Variants in PKIG observed in about 807,000 individuals in gnomAD.
The protein encoded by PKIG is cAMP-dependent protein kinase inhibitor gamma, also known as protein kinase (cAMP-dependent, catalytic) inhibitor gamma.
Under a neutral mutation model 6.8 loss-of-function variants are expected in PKIG, and 1 was observed. That is an observed-to-expected ratio of 0.15 (90% CI 0.05 to 0.69). The LOEUF (loss-of-function observed/expected upper bound fraction) is 0.69, where lower values mean the gene tolerates loss of function less well. PKIG is among the 30% of genes least tolerant of loss of function. The pLI, the probability that PKIG is intolerant of heterozygous loss-of-function variation, is 0.82. For synonymous variants in PKIG, 39 were observed against 43.0 expected (o/e 0.91, Z 0.36); for missense variants, 77 against 104.0 (o/e 0.74, Z 1.13).
At chr20:44,597,157 A>G (rs1030418826) in intron 2 of PKIG, among the ~76,000 whole-genome samples, 14 of 152,150 alleles carry the variant, frequency 9.2e-5, no homozygotes, top group African/African-American at 2.2e-4. Context: ...TTAGCTAGAG[A>G]GCACACCCTC....
chr20:44,611,851 G>C (rs1023493646), intron 2 of PKIG, among the ~76,000 whole-genome samples: 1 of 151,772 alleles, frequency 6.6e-6, no homozygotes, highest in Non-Finnish European at 1.5e-5. Context: ...AAGATTCCAT[G>C]TATGCGTAAA....
In PKIG at chr20:44,532,902, A is replaced by T. The variant is rs1009951143; in HGVS notation, c.-241+924A>T. The stretch of plus-strand genomic sequence containing the variant: ...TCTGCAAGGATTTCAGGCTAGCTGG[A>T]GAGCAGATTATGAGAGTTGGAGGGG... On this transcript the variant is annotated intron_variant, in intron 1 of 4. Transcript: ENST00000372887. Among the ~76,000 whole-genome samples the T allele has an allele frequency of 2.0e-4, 31 of 152,130 alleles. 1 individual carries two copies. Among genetic ancestry groups the T allele is most frequent in the African/African-American group, 7.2e-4 (30 of 41,430 alleles).
chr20:44,589,504 C>A (rs1196838479), intron 1 of PKIG, among the ~76,000 whole-genome samples: 4 of 152,120 alleles, frequency 2.6e-5, no homozygotes, highest in Admixed American at 1.3e-4. Context: ...GATATTGATA[C>A]ACCATAATTT....
chr20:44,599,314 G>A (rs538600693), intron 2 of PKIG, among the ~76,000 whole-genome samples: 10 of 152,288 alleles, frequency 6.6e-5, no homozygotes, highest in African/African-American at 2.2e-4. Context: ...CCCTAACCTT[G>A]CTGAGTTTCA....
At chr20:44,591,212 C>T (rs184736444) in intron 2 of PKIG, among the ~76,000 whole-genome samples, 3 of 151,912 alleles carry the variant, frequency 2.0e-5, no homozygotes, top group Non-Finnish European at 2.9e-5. Context: ...AGCAGCACAG[C>T]GAAGGCCTGG....
At chr20:44,600,377 T>C (rs2065110631) in intron 2 of PKIG, among the ~76,000 whole-genome samples, 1 of 152,102 alleles carries the variant, frequency 6.6e-6, no homozygotes, top group Non-Finnish European at 1.5e-5. Context: ...CAATTTCCAT[T>C]TTGAGAACGT....
At chr20:44,595,265 T>A (rs1170275615) in intron 2 of PKIG, among the ~76,000 whole-genome samples, 1 of 152,218 alleles carries the variant, frequency 6.6e-6, no homozygotes, top group African/African-American at 2.4e-5. Flanking sequence ...GTAGCTTCCC[T>A]CAAACTCTCA....
chr20:44,594,576 A>T (rs990999148), intron 2 of PKIG, among the ~76,000 whole-genome samples: 2 of 152,180 alleles, frequency 1.3e-5, no homozygotes, highest in African/African-American at 4.8e-5. Context: ...ATGTTAAGTG[A>T]TTTGCTCAGC....
intron 1 of PKIG, among the ~76,000 whole-genome samples, chr20:44,565,081 C>T (rs186545350): frequency 3.8e-4 from 58 of 152,298 alleles, no homozygotes; most frequent in African/African-American, 1.4e-3. Flanking sequence ...GACCTGGGCG[C>T]TTATGAAAAT....
chr20:44,531,999 C>G (rs1600828255), intron 1 of PKIG: 1 of 152,176 alleles, frequency 6.6e-6, no homozygotes, highest in Non-Finnish European at 1.5e-5. Context: ...GCCGGGCGGC[C>G]GGTTGCGGCC....
intron 1 of PKIG, among the ~76,000 whole-genome samples, chr20:44,559,852 A>G (rs2064750806): frequency 6.6e-6 from 1 of 152,190 alleles, no homozygotes; most frequent in African/African-American, 2.4e-5. Context: ...TTTTGTAAGT[A>G]TATCTGTGAG....
At chr20:44,554,300 C>A (rs982971405) in intron 1 of PKIG, among the ~76,000 whole-genome samples, 1 of 151,922 alleles carries the variant, frequency 6.6e-6, no homozygotes, top group African/African-American at 2.4e-5. Flanking sequence ...TCAGGCTGGT[C>A]TCGAACTCCG....
intron 2 of PKIG, among the ~76,000 whole-genome samples, chr20:44,603,814 G>T (rs902427452): frequency 6.7e-6 from 1 of 149,932 alleles, no homozygotes; most frequent in Non-Finnish European, 1.5e-5. Context: ...GGAAGTAAAG[G>T]TTTAGAACTC....
chr20:44,534,364 AAAAT>A (rs1272274471), intron 1 of PKIG, among the ~76,000 whole-genome samples: 9 of 152,238 alleles, frequency 5.9e-5, no homozygotes, highest in Non-Finnish European at 1.2e-4. Flanking sequence ...TAATGCAACA[AAAAT>A]AAATAAAGGT....
chr20:44,604,956 G>A (rs1254785045), intron 2 of PKIG, among the ~76,000 whole-genome samples: 1 of 151,932 alleles, frequency 6.6e-6, no homozygotes, highest in African/African-American at 2.4e-5. Context: ...TGGGGGACAA[G>A]TTAAATGACT....
At chr20:44,593,463 G>A (rs1300018628) in intron 2 of PKIG, among the ~76,000 whole-genome samples, 1 of 150,598 alleles carries the variant, frequency 6.6e-6, no homozygotes, top group Non-Finnish European at 1.5e-5. Context: ...CAAAAACATG[G>A]TTGAACCTGG....
intron 1 of PKIG, among the ~76,000 whole-genome samples, chr20:44,574,473 A>T (rs1248438685): frequency 6.6e-6 from 1 of 152,172 alleles, no homozygotes. Flanking sequence ...GTTTTGTTTC[A>T]TCTGTGCTGG....
chr20:44,599,519 C>G (rs1328866318), intron 2 of PKIG, among the ~76,000 whole-genome samples: 1 of 152,012 alleles, frequency 6.6e-6, no homozygotes, highest in Non-Finnish European at 1.5e-5. Context: ...GTCAAGAGAT[C>G]GAGACCATCC....
chr20:44,597,806 G>T (rs2065087807), intron 2 of PKIG, among the ~76,000 whole-genome samples: 1 of 152,208 alleles, frequency 6.6e-6, no homozygotes, highest in Admixed American at 6.5e-5. Context: ...GAAAGGAGGG[G>T]CAGTTTTCCA....
Sources: allele counts gnomAD v4.1 joint callset (sites outside exome capture counted in the v4.1 genomes callset), GRCh38; gene constraint gnomAD v4.1.1; transcripts MANE v1.5; gene names NCBI Gene and HGNC (gene_info 2026-07-23, HGNC 2026-07-21).